Variants in XKR4 observed in about 807,000 individuals in gnomAD.
XKR4 encodes XK-related protein 4.
In XKR4, 12 loss-of-function variants were observed where a neutral mutation model predicts 53.9. The ratio of observed to expected loss-of-function variants is 0.22; its 90% CI spans 0.14 to 0.36. The LOEUF (loss-of-function observed/expected upper bound fraction) is 0.36. Among genes scored for constraint, XKR4 ranks in the 10% least tolerant of loss-of-function variants. XKR4 has a pLI of 1.00. For synonymous variants in XKR4, 354 were observed against 362.4 expected, an observed-to-expected ratio of 0.98 and a Z score of 0.26; for missense variants, 799 against 859.5, an observed-to-expected ratio of 0.93 and a Z score of 0.88.
Position 55,541,436 on chromosome 8 carries a change from A to C in XKR4, c.*17209A>C, listed in dbSNP as rs148660029. 6.6e-6 allele frequency: 1 copy of C among 152,284 alleles called. No homozygotes were observed. Among genetic ancestry groups the C allele is most frequent in the African/African-American group, 2.4e-5 (1 of 41,550 alleles). 9.4% of individuals were successfully genotyped at this position (152,284 alleles called of 1,614,324 possible). ...TCTATCTCTGAAAAAAAAATGGAAC[A>C]GGTGGCAGGTGAACAGCAAATGGAA... On this transcript the variant is annotated 3_prime_UTR_variant, in exon 3 of 3. Transcript: ENST00000327381.
chr8:55,142,637 G>T (rs915991597), intron 1 of XKR4, among the ~76,000 whole-genome samples: 2 of 152,206 alleles, frequency 1.3e-5, no homozygotes, highest in African/African-American at 4.8e-5. Flanking sequence ...GACCAAAAGT[G>T]TATTAATTCT....
chr8:55,471,813 G>A (rs1263049264), intron 2 of XKR4, among the ~76,000 whole-genome samples: 1 of 152,096 alleles, frequency 6.6e-6, no homozygotes, highest in African/African-American at 2.4e-5. Context: ...CTCTTGCAAT[G>A]TGATGTGCCA....
Position 55,407,866 on chromosome 8 carries a change from G to A in XKR4, c.1006+49989G>A, listed in dbSNP as rs560270962. 9.9e-5 allele frequency among the ~76,000 whole-genome samples: 15 copies of A among 152,252 alleles called. No individual in the cohort carries two copies. In the South Asian group the frequency reaches 2.9e-3, roughly 29 times the overall value. On this transcript the variant is annotated intron_variant, in intron 2 of 2. Transcript: ENST00000327381. ...CACTTTCAGAAGGGAGTATCATTGT[G>A]TCCATTCTTTCATGGGAGACAAAAC...
In XKR4 at chr8:55,295,834, C is replaced by T. The variant is rs148336394; in HGVS notation, c.807-61844C>T. ...TATAAATGGGGGGTAGATTTACTGA[C>T]CACATGTATTCACTTTATGTTTGAG... On this transcript the variant is annotated intron_variant, in intron 1 of 2. Coordinates refer to ENST00000327381, the MANE Select transcript of XKR4 (RefSeq NM_052898.2). 7.0e-4 allele frequency among the ~76,000 whole-genome samples: 106 copies of T among 152,262 alleles called. 1 individual carries two copies. In the East Asian group the frequency reaches 0.016, roughly 23 times the overall value.
intron 1 of XKR4, among the ~76,000 whole-genome samples, chr8:55,297,726 A>C (rs1819120975): frequency 6.6e-6 from 1 of 152,246 alleles, no homozygotes; most frequent in South Asian, 2.1e-4. Flanking sequence ...CAAGTAGTTC[A>C]AGATACGCCC....
At chr8:55,280,718 AG>A (rs1374197515) in intron 1 of XKR4, among the ~76,000 whole-genome samples, 1 of 152,224 alleles carries the variant, frequency 6.6e-6, no homozygotes, top group Non-Finnish European at 1.5e-5. Flanking sequence ...ACTTGATTTT[AG>A]ATGTGAAAAC....
intron 1 of XKR4, among the ~76,000 whole-genome samples, chr8:55,330,445 T>C (rs1435968883): frequency 6.6e-6 from 1 of 152,158 alleles, no homozygotes; most frequent in Non-Finnish European, 1.5e-5. Context: ...AGCAATCAAT[T>C]ATCACTTGTG....
At position 55,538,696 on chromosome 8, in the gene XKR4, GC is replaced by G. The variant is rs1807064004; in HGVS notation, c.*14470del. The G allele has an allele frequency of 6.6e-6, 1 of 152,154 alleles. No individual in the cohort carries two copies. The highest frequency in any genetic ancestry group is 1.5e-5 in the Non-Finnish European group (1 of 68,028). The allele number at this position is 152,154 out of a possible 1,614,324, so 9.4% of individuals were successfully genotyped here. A position where few individuals can be genotyped will look rare whatever the true frequency, so the allele number is the denominator to read the frequency against. On this transcript the variant is annotated 3_prime_UTR_variant, in exon 3 of 3. Coordinates refer to ENST00000327381, the MANE Select transcript of XKR4 (RefSeq NM_052898.2). Reference sequence around the variant, plus strand: ...GGGTTTGCATGCCTGATCCCAAGCTGCATTTTTTCAGAATGCGTGCATGATG... The same window carrying G: ...GGGTTTGCATGCCTGATCCCAAGCTGATTTTTTCAGAATGCGTGCATGATG...
At chr8:55,324,155 G>T (rs1314012475) in intron 1 of XKR4, among the ~76,000 whole-genome samples, 2 of 152,158 alleles carry the variant, frequency 1.3e-5, no homozygotes, top group African/African-American at 4.8e-5. Flanking sequence ...GAGTGCAGTG[G>T]TGCAAATGCT....
intron 1 of XKR4, among the ~76,000 whole-genome samples, chr8:55,214,062 A>T (rs1226034557): frequency 6.6e-6 from 1 of 151,810 alleles, no homozygotes; most frequent in East Asian, 1.9e-4. Flanking sequence ...GGGTTTCACC[A>T]TGTTGGCCTG....
chr8:55,439,074 A>G (rs546490484), intron 2 of XKR4, among the ~76,000 whole-genome samples: 2 of 152,318 alleles, frequency 1.3e-5, no homozygotes, highest in Admixed American at 6.5e-5. Context: ...CTGAGTACAG[A>G]AGTAAATAAG....
intron 2 of XKR4, among the ~76,000 whole-genome samples, chr8:55,425,246 G>C: frequency 6.6e-6 from 1 of 152,204 alleles, no homozygotes; most frequent in South Asian, 2.1e-4. Flanking sequence ...TTCCAGCCTA[G>C]AGTTAGGTCT....
rs191265464 is a variant in XKR4 at position 55,259,965 on chromosome 8, T to C, written c.807-97713T>C. On this transcript the variant is annotated intron_variant, in intron 1 of 2. Coordinates refer to ENST00000327381, the MANE Select transcript of XKR4 (RefSeq NM_052898.2). ...TGTGTATAAAACTTCCTGTGGCTCT[T>C]CTCTTCTTTCTGTGTTCACCTTAAC... Among the ~76,000 whole-genome samples the C allele has an allele frequency of 4.0e-5, 6 of 150,714 alleles. No homozygotes were observed. In the East Asian group the frequency reaches 1.2e-3, roughly 30 times the overall value.
intron 1 of XKR4, among the ~76,000 whole-genome samples, chr8:55,114,972 C>G (rs1816286465): frequency 6.6e-6 from 1 of 152,184 alleles, no homozygotes; most frequent in Non-Finnish European, 1.5e-5. Flanking sequence ...GGGCATCCCC[C>G]CTAAATCTCT....
intron 1 of XKR4, among the ~76,000 whole-genome samples, chr8:55,302,628 G>A (rs1367213108): frequency 1.3e-5 from 2 of 152,168 alleles, no homozygotes; most frequent in Admixed American, 6.5e-5. Flanking sequence ...CTACCCATGA[G>A]CATGGAATGT....
At chr8:55,154,069 A>G (rs146079687) in intron 1 of XKR4, among the ~76,000 whole-genome samples, 4 of 152,286 alleles carry the variant, frequency 2.6e-5, no homozygotes, top group Non-Finnish European at 4.4e-5. Context: ...TGGCCCATTG[A>G]TTGCATTTAG....
chr8:55,289,057 T>A (rs562279657), intron 1 of XKR4, among the ~76,000 whole-genome samples: 1 of 152,336 alleles, frequency 6.6e-6, no homozygotes, highest in South Asian at 2.1e-4. Context: ...TTTTGTCATT[T>A]ACCTGTTCAA....
Position 55,527,207 on chromosome 8 carries a change from C to A in XKR4, c.*2980C>A, listed in dbSNP as rs199990786. 2.0e-5 allele frequency: 2 copies of A among 99,240 alleles called. No individual in the cohort carries two copies. The highest frequency in any genetic ancestry group is 7.1e-4 in the East Asian group (2 of 2,810). 6.1% of individuals were successfully genotyped at this position (99,240 alleles called of 1,614,324 possible). A position where few individuals can be genotyped will look rare whatever the true frequency, so the allele number is the denominator to read the frequency against. ...GAGACATCATCAGTGTACAAAGAAA[C>A]AAAGTTTCATTTTTGTATTTATATT... On this transcript the variant is annotated 3_prime_UTR_variant, in exon 3 of 3. Coordinates refer to ENST00000327381, the MANE Select transcript of XKR4 (RefSeq NM_052898.2).
At chr8:55,421,367 C>T (rs771214109) in intron 2 of XKR4, among the ~76,000 whole-genome samples, 1 of 152,210 alleles carries the variant, frequency 6.6e-6, no homozygotes, top group Non-Finnish European at 1.5e-5. Context: ...CCTTGCCATA[C>T]GGTTTACTTG....
Sources: gnomAD v4.1 joint callset for allele counts (sites outside exome capture counted in the v4.1 genomes callset) on GRCh38, gnomAD v4.1.1 for gene constraint, MANE v1.5 for transcripts, NCBI Gene and HGNC (gene_info 2026-07-23, HGNC 2026-07-21) for gene names.